ARHGAP5: variants seen among roughly 807,000 people sequenced by gnomAD.
The protein encoded by ARHGAP5 is rho GTPase-activating protein 5.
ARHGAP5 carries 23 observed loss-of-function variants against 116.6 expected under a neutral mutation model. The observed-to-expected ratio is 0.20, with a 90% confidence interval of 0.14 to 0.28. The LOEUF (loss-of-function observed/expected upper bound fraction) is 0.28. ARHGAP5 is among the 10% of genes least tolerant of loss of function. ARHGAP5 has a pLI of 1.00. For missense variants in ARHGAP5, 1,405 were observed against 1,774.8 expected (o/e 0.79, Z 3.74); for synonymous variants, 574 against 602.0 (o/e 0.95, Z 0.68).
At chr14:32,101,412 T>C (rs1160183101) in intron 2 of ARHGAP5, among the ~76,000 whole-genome samples, 1 of 152,206 alleles carries the variant, frequency 6.6e-6, no homozygotes, top group Admixed American at 6.5e-5. Flanking sequence ...AGGTTTAGCA[T>C]TGACTTCTGA....
At chr14:32,147,928 G>A (rs1478751930) in intron 4 of ARHGAP5, among the ~76,000 whole-genome samples, 5 of 152,132 alleles carry the variant, frequency 3.3e-5, no homozygotes, top group Non-Finnish European at 5.9e-5. Context: ...CAAGGTGGGC[G>A]AATTGCCTGA....
intron 3 of ARHGAP5, among the ~76,000 whole-genome samples, chr14:32,138,575 C>T (rs896248128): frequency 1.4e-4 from 21 of 152,314 alleles, no homozygotes; most frequent in Non-Finnish European, 2.4e-4. Flanking sequence ...TGAGCCACTG[C>T]GCCTGGCCAA....
intron 3 of ARHGAP5, among the ~76,000 whole-genome samples, chr14:32,137,995 C>A (rs891029671): frequency 3.4e-5 from 5 of 148,794 alleles, no homozygotes; most frequent in Admixed American, 6.7e-5. Flanking sequence ...AAAAAAATTT[C>A]ACCTTCCAAT....
chr14:32,135,823 A>G (rs1880761139), intron 3 of ARHGAP5, among the ~76,000 whole-genome samples: 1 of 152,266 alleles, frequency 6.6e-6, no homozygotes, highest in South Asian at 2.1e-4. Flanking sequence ...AGTCCAGTAT[A>G]GTGAGCATAG....
chr14:32,089,229 C>T (rs988743346), intron 1 of ARHGAP5, among the ~76,000 whole-genome samples: 2 of 151,862 alleles, frequency 1.3e-5, no homozygotes, highest in South Asian at 4.1e-4. Flanking sequence ...GTTAGTGTAA[C>T]ATATGTTCGG....
rs1882018071 is a variant in ARHGAP5 at position 32,159,288 on chromosome 14, T to C, written c.*4340T>C. ...AAATAATTGTAGTTGAGAAACAACT[T>C]GTTTATTCTCACAATTCAGATTTTC... On this transcript the variant is annotated 3_prime_UTR_variant, in exon 7 of 7. Transcript: ENST00000345122. 2 of 152,158 alleles carry C rather than the reference T, an allele frequency of 1.3e-5. No individual in the cohort carries two copies. 9.4% of individuals were successfully genotyped at this position (152,158 alleles called of 1,614,324 possible).
intron 1 of ARHGAP5, among the ~76,000 whole-genome samples, chr14:32,077,674 G>C (rs780747212): frequency 1.3e-5 from 2 of 152,160 alleles, no homozygotes; most frequent in African/African-American, 2.4e-5. Flanking sequence ...GGGGGAGGGG[G>C]TGCTTTCTCC....
intron 3 of ARHGAP5, among the ~76,000 whole-genome samples, chr14:32,130,369 A>G (rs1275276087): frequency 1.4e-5 from 2 of 146,726 alleles, no homozygotes; most frequent in Non-Finnish European, 3.0e-5. Context: ...CTGCTATCAC[A>G]CCAGGCTAAT....
chr14:32,119,658 T>C (rs1236860909), intron 3 of ARHGAP5, among the ~76,000 whole-genome samples: 2 of 152,164 alleles, frequency 1.3e-5, no homozygotes, highest in Admixed American at 6.5e-5. Flanking sequence ...ATGAACTTTA[T>C]CTGGTTGAGA....
chr14:32,090,489 C>A lies in ARHGAP5; in HGVS notation c.-168-13C>A. 1.9e-6 allele frequency: 1 copy of A among 524,044 alleles called. No homozygotes were observed. 32.5% of individuals were successfully genotyped at this position (524,044 alleles called of 1,614,324 possible). On this transcript the variant is annotated splice_polypyrimidine_tract_variant and intron_variant, in intron 1 of 6. Transcript: ENST00000345122. ...TGTGATTAAGATTTGTTCTTTTTCT[C>A]CCCTCTCTATAGGAAGATGATCCCT...
In ARHGAP5 at chr14:32,156,821, A is replaced by C. The variant is rs924399418; in HGVS notation, c.*1873A>C. The C allele has an allele frequency of 5.2e-5, 8 of 152,526 alleles. No homozygotes were observed. The highest frequency in any genetic ancestry group is 1.0e-4 in the Non-Finnish European group (7 of 67,824). The allele number at this position is 152,526 out of a possible 1,614,324, so 9.4% of individuals were successfully genotyped here. ...TTTATTTTTCTACTATATATGGTAT[A>C]GACAAAGCATCAAACTATGTACAGG... On this transcript the variant is annotated 3_prime_UTR_variant, in exon 7 of 7. Transcript: ENST00000345122.
At chr14:32,131,566 T>A (rs927012220) in intron 3 of ARHGAP5, among the ~76,000 whole-genome samples, 3 of 152,170 alleles carry the variant, frequency 2.0e-5, no homozygotes, top group South Asian at 2.1e-4. Context: ...TGTTTGTTTG[T>A]TTTTGTTTTT....
chr14:32,084,493 G>T (rs995118833), intron 1 of ARHGAP5, among the ~76,000 whole-genome samples: 1 of 152,054 alleles, frequency 6.6e-6, no homozygotes, highest in Non-Finnish European at 1.5e-5. Context: ...ATTACCCAGC[G>T]GTTTGGAAGC....
intron 2 of ARHGAP5, among the ~76,000 whole-genome samples, chr14:32,100,987 G>C (rs1446608842): frequency 6.6e-6 from 1 of 152,080 alleles, no homozygotes; most frequent in African/African-American, 2.4e-5. Flanking sequence ...TTTTTAGCTT[G>C]ATTAAGATAA....
intron 3 of ARHGAP5, among the ~76,000 whole-genome samples, chr14:32,128,784 G>T (rs978339515): frequency 6.6e-6 from 1 of 152,188 alleles, no homozygotes; most frequent in African/African-American, 2.4e-5. Flanking sequence ...TTTTGTTGAA[G>T]ACTTTTGCAT....
intron 3 of ARHGAP5, among the ~76,000 whole-genome samples, chr14:32,119,708 A>G (rs1594369886): frequency 6.6e-6 from 1 of 152,132 alleles, no homozygotes; most frequent in African/African-American, 2.4e-5. Flanking sequence ...TTTTTATACA[A>G]AATAGGTGTT....
chr14:32,151,734 T>C (rs1011600170), intron 5 of ARHGAP5, among the ~76,000 whole-genome samples: 1 of 152,262 alleles, frequency 6.6e-6, no homozygotes, highest in Non-Finnish European at 1.5e-5. Context: ...AGCATAAATG[T>C]TAAGAGCCTA....
rs559588697 is a variant in ARHGAP5 at position 32,159,335 on chromosome 14, G to A, written c.*4387G>A. The stretch of plus-strand genomic sequence containing the variant: ...TTTCTATTCAGTTTTGTCTCAAATA[G>A]TAAGTTATTGTGAACAATTTAATAA... On this transcript the variant is annotated 3_prime_UTR_variant, in exon 7 of 7. Coordinates refer to ENST00000345122, the MANE Select transcript of ARHGAP5 (RefSeq NM_001030055.2). 2 of 152,172 alleles carry A rather than the reference G, an allele frequency of 1.3e-5. No homozygotes were observed. Among genetic ancestry groups the A allele is most frequent in the Non-Finnish European group, 2.9e-5 (2 of 67,960 alleles). The allele number at this position is 152,172 out of a possible 1,614,324, so 9.4% of individuals were successfully genotyped here.
intron 3 of ARHGAP5, 102 bp downstream of exon 3, chr14:32,117,389 A>G: frequency 9.0e-7 from 1 of 1,111,328 alleles, no homozygotes; most frequent in East Asian, 2.5e-5. Context: ...AGTTCTCATT[A>G]TTAGGATTAT....
Sources: gnomAD v4.1 joint callset for allele counts (sites outside exome capture counted in the v4.1 genomes callset) on GRCh38, gnomAD v4.1.1 for gene constraint, MANE v1.5 for transcripts, NCBI Gene and HGNC (gene_info 2026-07-23, HGNC 2026-07-21) for gene names.